The following TNNI3K variants were observed in gnomAD, a reference collection of about 807,000 sequenced individuals.
TNNI3K encodes TNNI3 interacting kinase.
A neutral mutation model predicts 114.5 loss-of-function variants in TNNI3K; 140 were observed. That is an observed-to-expected ratio of 1.22 (90% CI 1.07 to 1.41). The LOEUF is 1.41. TNNI3K is among the 40% of genes most tolerant of loss of function. The pLI is 0.00. For missense variants in TNNI3K, 1,125 were observed against 1,007.6 expected, an observed-to-expected ratio of 1.12 and a Z score of -1.58; for synonymous variants, 347 against 347.5, an observed-to-expected ratio of 1.00 and a Z score of 0.02.
intron 11 of TNNI3K, among the ~76,000 whole-genome samples, chr1:74,361,499 C>G (rs989871955): frequency 6.6e-6 from 1 of 152,064 alleles, no homozygotes. Context: ...TAGTATCATT[C>G]ATTCGTTCAA....
intron 19 of TNNI3K, chr1:74,439,060 G>A (rs932503379): frequency 6.5e-6 from 1 of 153,118 alleles, no homozygotes; most frequent in Non-Finnish European, 1.5e-5. Flanking sequence ...CACAGTGTGT[G>A]ATTCACTCCC....
At chr1:74,311,079 G>A (rs1265607981) in intron 5 of TNNI3K, among the ~76,000 whole-genome samples, 1 of 152,062 alleles carries the variant, frequency 6.6e-6, no homozygotes, top group Non-Finnish European at 1.5e-5. Context: ...GCTTGTTGTT[G>A]AATAGATTCA....
At chr1:74,494,301 C>CT (rs1221017072) in intron 23 of TNNI3K, among the ~76,000 whole-genome samples, 25 of 152,196 alleles carry the variant, frequency 1.6e-4, no homozygotes, top group Admixed American at 3.9e-4. Context: ...GCAATTGTTG[C>CT]TTTTTTAGCT....
intron 9 of TNNI3K, 90 bp from the exon 10 acceptor site, chr1:74,353,176 A>C: frequency 7.6e-7 from 1 of 1,316,406 alleles, no homozygotes; most frequent in Non-Finnish European, 1.1e-6. Context: ...TAACTTCAGC[A>C]TATGATTTTT....
At chr1:74,426,540 T>C (rs943252726) in intron 17 of TNNI3K, among the ~76,000 whole-genome samples, 1 of 152,032 alleles carries the variant, frequency 6.6e-6, no homozygotes, top group African/African-American at 2.4e-5. Context: ...AACAGGAAAC[T>C]TGGCACACAA....
intron 23 of TNNI3K, among the ~76,000 whole-genome samples, chr1:74,512,303 T>C (rs1056443077): frequency 6.6e-6 from 1 of 152,186 alleles, no homozygotes; most frequent in East Asian, 1.9e-4. Context: ...GAGCTCCACC[T>C]TGAACCCAAG....
intron 9 of TNNI3K, among the ~76,000 whole-genome samples, chr1:74,350,050 T>G (rs1661249868): frequency 6.6e-6 from 1 of 152,190 alleles, no homozygotes; most frequent in Non-Finnish European, 1.5e-5. Flanking sequence ...TCTAGTTCTT[T>G]TAATTGTGAT....
intron 1 of TNNI3K, 63 bp from the exon 2 acceptor site, chr1:74,236,039 G>A: frequency 7.8e-7 from 1 of 1,274,852 alleles, no homozygotes; most frequent in Non-Finnish European, 1.1e-6. Context: ...TGTATGTTAT[G>A]ATCTGTGTCT....
At chr1:74,307,144 A>T (rs181690848) in intron 5 of TNNI3K, among the ~76,000 whole-genome samples, 1 of 152,152 alleles carries the variant, frequency 6.6e-6, no homozygotes, top group Admixed American at 6.5e-5. Context: ...ATTTTTGGAA[A>T]TGAAAACACA....
In TNNI3K at chr1:74,492,233, T is replaced by C. The variant is rs1294928467; in HGVS notation, c.2318T>C (p.Leu773Pro). ...AGTCGTTTCGAATTGGAATATGCTCTAAATGCAAGGTCCTATGCTGCTTTG... is the reference window on the plus strand; with the variant it reads ...AGTCGTTTCGAATTGGAATATGCTCCAAATGCAAGGTCCTATGCTGCTTTG... ...LRSRFELEYALNARSYAALSQ... is the reference protein window; with the variant it reads ...LRSRFELEYAPNARSYAALSQ... Residue 773 changes from leucine to proline, a missense_variant, in exon 23 of 25, where the codon CTA (leucine) becomes CCA (proline). Transcript: ENST00000326637. 6.2e-7 allele frequency: 1 copy of C among 1,611,832 alleles called. No individual in the cohort carries two copies. The highest frequency in any genetic ancestry group is 1.1e-5 in the South Asian group (1 of 90,786).
intron 4 of TNNI3K, among the ~76,000 whole-genome samples, chr1:74,252,883 G>C (rs1274775947): frequency 1.3e-5 from 2 of 152,194 alleles, no homozygotes; most frequent in Non-Finnish European, 2.9e-5. Flanking sequence ...AAAGTGTGGA[G>C]GGGCACCCGA....
intron 20 of TNNI3K, among the ~76,000 whole-genome samples, chr1:74,439,994 A>T (rs1452446010): frequency 6.6e-6 from 1 of 152,078 alleles, no homozygotes; most frequent in East Asian, 1.9e-4. Context: ...GTATATAGGG[A>T]TAAGAAAGTA....
At chr1:74,451,683 T>TATCTTTCTTTC (rs1311984002) in intron 20 of TNNI3K, among the ~76,000 whole-genome samples, 1 of 76,216 alleles carries the variant, frequency 1.3e-5, no homozygotes, top group African/African-American at 4.1e-5. Context: ...TTTTCTTTTC[T>TATCTTTCTTTC]TTTCTTTCTT....
chr1:74,515,671 T>G (rs963972334), intron 23 of TNNI3K, among the ~76,000 whole-genome samples: 1 of 152,130 alleles, frequency 6.6e-6, no homozygotes, highest in Non-Finnish European at 1.5e-5. Flanking sequence ...TGGTTTGAGG[T>G]GGGCAGACAC....
At chr1:74,425,350 A>G (rs949272806) in intron 17 of TNNI3K, among the ~76,000 whole-genome samples, 2 of 152,276 alleles carry the variant, frequency 1.3e-5, no homozygotes, top group East Asian at 3.9e-4. Flanking sequence ...AAACCTGTAG[A>G]TAAGAATTTT....
chr1:74,309,417 A>G (rs1658855084), intron 5 of TNNI3K, among the ~76,000 whole-genome samples: 1 of 151,166 alleles, frequency 6.6e-6, no homozygotes. Context: ...AACTATTCCA[A>G]AAAAATCAAG....
rs77814486 is a variant in TNNI3K, at chr1:74,251,771, G to T, written c.333+1002G>T. 4.8e-3 allele frequency among the ~76,000 whole-genome samples: 728 copies of T among 152,230 alleles called. 2 individuals are homozygous for T. Among genetic ancestry groups the T allele is most frequent in the African/African-American group, 0.017 (692 of 41,532 alleles). ...AGAGTTTGTCATTGGGAGGGAAGAG[G>T]ACCTTATTTTCCCATGATCTAGCAT... On this transcript the variant is annotated intron_variant, in intron 4 of 24. Transcript: ENST00000326637.
intron 5 of TNNI3K, among the ~76,000 whole-genome samples, chr1:74,302,799 A>G (rs1658407036): frequency 6.6e-6 from 1 of 152,244 alleles, no homozygotes; most frequent in Non-Finnish European, 1.5e-5. Flanking sequence ...TTTCCATAAC[A>G]AAAGTGCAAG....
At chr1:74,340,512 A>G (rs1249430544) in intron 7 of TNNI3K, among the ~76,000 whole-genome samples, 1 of 152,156 alleles carries the variant, frequency 6.6e-6, no homozygotes, top group Non-Finnish European at 1.5e-5. Flanking sequence ...GTCTGATTCC[A>G]TATTTGTCCT....
Sources: allele counts gnomAD v4.1 joint callset (sites outside exome capture counted in the v4.1 genomes callset), GRCh38; gene constraint gnomAD v4.1.1; transcripts MANE v1.5; gene names NCBI Gene and HGNC (gene_info 2026-07-23, HGNC 2026-07-21).